The following RUNX1 variants were observed in gnomAD, a reference collection of about 807,000 sequenced individuals.
The protein encoded by RUNX1 is RUNX family transcription factor 1, also known as runt-related transcription factor 1.
In RUNX1, 19 loss-of-function variants were observed where a neutral mutation model predicts 42.8. The ratio of observed to expected loss-of-function variants is 0.44; its 90% CI spans 0.31 to 0.65. The LOEUF (loss-of-function observed/expected upper bound fraction) is 0.65. RUNX1 is among the 30% of genes least tolerant of loss of function. The pLI, the probability that RUNX1 is intolerant of heterozygous loss-of-function variation, is 0.07. For missense variants in RUNX1, 528 were observed against 672.0 expected (o/e 0.79, Z 2.37); for synonymous variants, 271 against 289.4 (o/e 0.94, Z 0.64).
chr21:34,792,130 G>A lies in RUNX1; in HGVS notation c.*5C>T. 1 of 1,434,306 alleles carries A rather than the reference G, an allele frequency of 7.0e-7. No homozygotes were observed. The highest frequency in any genetic ancestry group is 9.1e-7 in the Non-Finnish European group (1 of 1,103,690). 88.8% of individuals were successfully genotyped at this position (1,434,306 alleles called of 1,614,324 possible). On this transcript the variant is annotated 3_prime_UTR_variant, in exon 9 of 9. Transcript: ENST00000675419. The surrounding 1 kb of genome is among the most constrained non-coding windows in gnomAD (Gnocchi z 6.9). ...GCGGGGCCCAGCCGGGCCAGGCCTG[G>A]CGCCTCAGTAGGGCCTCCACACGGC... is the stretch of plus-strand genomic sequence containing the variant.
chr21:34,842,675 G>A (rs553888008), intron 6 of RUNX1, among the ~76,000 whole-genome samples: 2 of 151,948 alleles, frequency 1.3e-5, no homozygotes, highest in East Asian at 1.9e-4. Flanking sequence ...CGCACACACA[G>A]AGAGACATAC....
chr21:34,902,471 C>A (rs1390334478), intron 2 of RUNX1, among the ~76,000 whole-genome samples: 1 of 152,100 alleles, frequency 6.6e-6, no homozygotes, highest in Non-Finnish European at 1.5e-5. Context: ...GGAGTAAAGA[C>A]ATCAATATAT....
chr21:35,023,803 G>A (rs2059216501), intron 2 of RUNX1, among the ~76,000 whole-genome samples: 1 of 152,112 alleles, frequency 6.6e-6, no homozygotes, highest in Non-Finnish European at 1.5e-5. Flanking sequence ...GAGGATGGGT[G>A]GAAGTGAGAA....
chr21:34,997,668 G>C (rs1569144011), intron 2 of RUNX1, among the ~76,000 whole-genome samples: 2 of 151,820 alleles, frequency 1.3e-5, no homozygotes, highest in Non-Finnish European at 1.5e-5. Context: ...GTCTTACCAG[G>C]CTGAAGAGCT....
intron 7 of RUNX1, among the ~76,000 whole-genome samples, chr21:34,805,952 C>T (rs921415267): frequency 1.3e-5 from 2 of 151,964 alleles, no homozygotes; most frequent in Non-Finnish European, 2.9e-5. Flanking sequence ...ACTTTTCAAA[C>T]TTTAGGGCAG....
chr21:34,856,383 C>T, intron 6 of RUNX1: 1 of 518,968 alleles, frequency 1.9e-6, no homozygotes. Flanking sequence ...GCCAAATATG[C>T]CAGCCAATCA....
Position 34,908,280 on chromosome 21 carries a change from G to A in RUNX1, c.59-15317C>T, listed in dbSNP as rs115054743. ...AAATAATGCAATGAGATGCAAAAGGGTAACTATTATTAATCTTCTTCCTGA... is the reference window on the plus strand; with the variant it reads ...AAATAATGCAATGAGATGCAAAAGGATAACTATTATTAATCTTCTTCCTGA... On this transcript the variant is annotated intron_variant, in intron 2 of 8. Coordinates refer to ENST00000675419, the MANE Select transcript of RUNX1 (RefSeq NM_001754.5). 3.4e-3 allele frequency among the ~76,000 whole-genome samples: 514 copies of A among 152,262 alleles called. 2 individuals carry two copies. Among genetic ancestry groups the A allele is most frequent in the African/African-American group, 0.012 (500 of 41,540 alleles).
chr21:34,954,350 T>C (rs2058629809), intron 2 of RUNX1, among the ~76,000 whole-genome samples: 1 of 152,166 alleles, frequency 6.6e-6, no homozygotes, highest in African/African-American at 2.4e-5. Flanking sequence ...TTCTGGGATA[T>C]CCCTTCTGAC....
At chr21:34,936,667 C>T (rs184957909) in intron 2 of RUNX1, among the ~76,000 whole-genome samples, 6 of 152,162 alleles carry the variant, frequency 3.9e-5, no homozygotes, top group Admixed American at 6.5e-5. Flanking sequence ...CAAGAAATAT[C>T]GACAGATAGA....
At chr21:34,896,685 AAAAAG>A (rs10639291) in intron 2 of RUNX1, among the ~76,000 whole-genome samples, 4 of 151,340 alleles carry the variant, frequency 2.6e-5, no homozygotes, top group African/African-American at 7.3e-5. Flanking sequence ...TCTGTCTCAT[AAAAAG>A]AAAAGAAAAG....
intron 2 of RUNX1, among the ~76,000 whole-genome samples, chr21:34,982,145 T>G (rs2058850959): frequency 6.6e-6 from 1 of 152,204 alleles, no homozygotes; most frequent in Non-Finnish European, 1.5e-5. Context: ...CTTTATCACA[T>G]GGATATTAGC....
intron 2 of RUNX1, among the ~76,000 whole-genome samples, chr21:34,936,680 G>A (rs9979151): frequency 0.014 from 2,103 of 152,290 alleles, 46 homozygotes; most frequent in African/African-American, 0.048. Context: ...CAGATAGAAC[G>A]CTTAGCAGGA....
At chr21:35,034,505 C>T (rs1162946052) in intron 2 of RUNX1, among the ~76,000 whole-genome samples, 1 of 152,156 alleles carries the variant, frequency 6.6e-6, no homozygotes, top group Non-Finnish European at 1.5e-5. Context: ...TACCTCGGTT[C>T]CTAAGGTCTT....
intron 2 of RUNX1, among the ~76,000 whole-genome samples, chr21:34,938,525 T>C (rs1345971234): frequency 6.6e-6 from 1 of 151,994 alleles, no homozygotes; most frequent in Non-Finnish European, 1.5e-5. Context: ...TTACACCTCC[T>C]CCTTCTCCTC....
intron 2 of RUNX1, among the ~76,000 whole-genome samples, chr21:34,896,990 A>G (rs2058136118): frequency 6.6e-6 from 1 of 152,186 alleles, no homozygotes; most frequent in South Asian, 2.1e-4. Context: ...GTTTGTGTAT[A>G]TATATGTGTG....
intron 8 of RUNX1, among the ~76,000 whole-genome samples, 158 bp downstream of exon 8, chr21:34,799,143 A>G (rs2056572277): frequency 2.0e-5 from 3 of 152,224 alleles, no homozygotes; most frequent in African/African-American, 7.2e-5. Flanking sequence ...TATGTATCCA[A>G]GAAAATCAGT....
chr21:34,996,099 A>G (rs2146853520), intron 2 of RUNX1, among the ~76,000 whole-genome samples: 1 of 152,340 alleles, frequency 6.6e-6, no homozygotes, highest in Admixed American at 6.5e-5. Flanking sequence ...TGTGTAGAAT[A>G]GCAGACTGTC....
chr21:34,952,212 A>G (rs141697843), intron 2 of RUNX1, among the ~76,000 whole-genome samples: 256 of 152,202 alleles, frequency 1.7e-3, no homozygotes, highest in African/African-American at 5.9e-3. Context: ...AACATCATCC[A>G]CCGGGGCCTG....
chr21:34,904,044 T>C (rs1168988714), intron 2 of RUNX1, among the ~76,000 whole-genome samples: 2 of 152,202 alleles, frequency 1.3e-5, no homozygotes, highest in South Asian at 2.1e-4. Context: ...TACCTTTTTA[T>C]GGGTAATACA....
Sources: gnomAD v4.1 joint callset for allele counts (sites outside exome capture counted in the v4.1 genomes callset) on GRCh38, gnomAD v4.1.1 for gene constraint, Gnocchi (gnomAD v3.1) non-coding constraint, MANE v1.5 for transcripts, NCBI Gene and HGNC (gene_info 2026-07-23, HGNC 2026-07-21) for gene names.